Variants in DCLK2 observed in about 807,000 individuals in gnomAD.
DCLK2 encodes doublecortin like kinase 2.
In DCLK2, 31 loss-of-function variants were observed where a neutral mutation model predicts 78.4. The observed-to-expected ratio is 0.40, with a 90% CI of 0.30 to 0.53. The LOEUF is 0.53. DCLK2 is among the 20% of genes least tolerant of loss of function. The probability of loss-of-function intolerance (pLI) is 0.61; values close to 1 mark genes in which losing one functional copy is unlikely to be tolerated. For synonymous variants in DCLK2, 407 were observed against 374.9 expected (o/e 1.09, Z -0.99); for missense variants, 872 against 973.7 (o/e 0.90, Z 1.39).
chr4:150,177,143 T>C (rs1300083863), intron 2 of DCLK2, among the ~76,000 whole-genome samples: 4 of 152,202 alleles, frequency 2.6e-5, no homozygotes, highest in Middle Eastern at 3.2e-3. Flanking sequence ...ATAAATCTCA[T>C]ATGATTTTGT....
At chr4:150,112,864 G>A (rs951419955) in intron 2 of DCLK2, among the ~76,000 whole-genome samples, 9 of 130,552 alleles carry the variant, frequency 6.9e-5, no homozygotes, top group Admixed American at 1.9e-4. Flanking sequence ...AGGCTGGAGT[G>A]CAGTGGTGTG....
intron 2 of DCLK2, among the ~76,000 whole-genome samples, chr4:150,147,363 C>A (rs1331402471): frequency 6.6e-6 from 1 of 152,128 alleles, no homozygotes; most frequent in Non-Finnish European, 1.5e-5. Context: ...CAAGTGGGAA[C>A]TGATATTTTC....
intron 2 of DCLK2, among the ~76,000 whole-genome samples, chr4:150,112,519 T>G (rs1731762630): frequency 6.6e-6 from 1 of 152,198 alleles, no homozygotes; most frequent in Non-Finnish European, 1.5e-5. Flanking sequence ...GGAGGAATCC[T>G]TTCAAGTTTT....
chr4:150,235,143 T>A (rs1470762853), intron 10 of DCLK2, among the ~76,000 whole-genome samples: 1 of 152,164 alleles, frequency 6.6e-6, no homozygotes, highest in African/African-American at 2.4e-5. Context: ...CAGCCCTGAT[T>A]TAAGGCCCAG....
chr4:150,194,971 A>G (rs1220847929), intron 3 of DCLK2, among the ~76,000 whole-genome samples: 1 of 148,586 alleles, frequency 6.7e-6, no homozygotes, highest in Non-Finnish European at 1.5e-5. Context: ...TTTGTTTTTC[A>G]TCTCTGCCAA....
At chr4:150,220,209 G>C (rs1046907231) in intron 5 of DCLK2, among the ~76,000 whole-genome samples, 3 of 152,082 alleles carry the variant, frequency 2.0e-5, no homozygotes, top group Non-Finnish European at 4.4e-5. Context: ...CTGTCGATTT[G>C]GAGTTGCCTT....
At chr4:150,204,550 GA>G (rs1414131225) in intron 5 of DCLK2, among the ~76,000 whole-genome samples, 3 of 152,114 alleles carry the variant, frequency 2.0e-5, no homozygotes, top group African/African-American at 7.2e-5. Context: ...TTTAAATTTA[GA>G]AGAGAAAATT....
At chr4:150,143,651 G>T (rs1734257592) in intron 2 of DCLK2, among the ~76,000 whole-genome samples, 1 of 152,128 alleles carries the variant, frequency 6.6e-6, no homozygotes. Context: ...CATACAGGTT[G>T]AACTAATTTA....
intron 2 of DCLK2, among the ~76,000 whole-genome samples, chr4:150,153,677 A>G (rs1032206988): frequency 1.1e-4 from 17 of 151,964 alleles, no homozygotes; most frequent in Non-Finnish European, 4.4e-5. Flanking sequence ...CAGCCTCCCA[A>G]AGTCCAGGAT....
At chr4:150,217,395 A>G (rs1740800793) in intron 5 of DCLK2, among the ~76,000 whole-genome samples, 1 of 152,230 alleles carries the variant, frequency 6.6e-6, no homozygotes, top group African/African-American at 2.4e-5. Context: ...TGGAAAGCCA[A>G]GCTTCATTAG....
At chr4:150,119,116 GCATGGTTTTTC>G (rs2150179421) in intron 2 of DCLK2, among the ~76,000 whole-genome samples, 1 of 152,016 alleles carries the variant, frequency 6.6e-6, no homozygotes, top group East Asian at 1.9e-4. Flanking sequence ...TTTTTAAATA[GCATGGTTTTTC>G]CATGTAATCA....
intron 5 of DCLK2, among the ~76,000 whole-genome samples, chr4:150,206,234 A>G (rs1415297706): frequency 6.6e-6 from 1 of 152,156 alleles, no homozygotes; most frequent in Non-Finnish European, 1.5e-5. Context: ...AGATTAATGG[A>G]ATTTTTAAAA....
chr4:150,087,295 C>T (rs1428938846), intron 1 of DCLK2, among the ~76,000 whole-genome samples: 1 of 152,218 alleles, frequency 6.6e-6, no homozygotes, highest in Non-Finnish European at 1.5e-5. Flanking sequence ...TTTTGACCTA[C>T]TCTGTTACCT....
chr4:150,240,708 C>G (rs1042930958), intron 12 of DCLK2, among the ~76,000 whole-genome samples: 1 of 145,986 alleles, frequency 6.8e-6, no homozygotes, highest in Admixed American at 7.0e-5. Flanking sequence ...ATGTAACTAA[C>G]CTGCACAATG....
intron 5 of DCLK2, among the ~76,000 whole-genome samples, chr4:150,212,144 A>G (rs1420184012): frequency 6.6e-6 from 1 of 152,212 alleles, no homozygotes; most frequent in African/African-American, 2.4e-5. Flanking sequence ...TGCTGTGAGC[A>G]TTCTTGCCGG....
chr4:150,244,370 G>A (rs1743148015), intron 12 of DCLK2, among the ~76,000 whole-genome samples: 1 of 152,172 alleles, frequency 6.6e-6, no homozygotes, highest in African/African-American at 2.4e-5. Flanking sequence ...TATTATTTGT[G>A]TGACTATACT....
chr4:150,141,359 C>A (rs778800631), intron 2 of DCLK2, among the ~76,000 whole-genome samples: 1 of 152,046 alleles, frequency 6.6e-6, no homozygotes, highest in African/African-American at 2.4e-5. Flanking sequence ...GCAGTGATTG[C>A]GATGACAGGG....
At chr4:150,106,282 C>A (rs13123197) in intron 2 of DCLK2, among the ~76,000 whole-genome samples, 1 of 151,658 alleles carries the variant, frequency 6.6e-6, no homozygotes, top group African/African-American at 2.4e-5. Context: ...TATAAAGATA[C>A]TATGACATCT....
chr4:150,120,404 A>G (rs1335491821), intron 2 of DCLK2, among the ~76,000 whole-genome samples: 2 of 152,164 alleles, frequency 1.3e-5, no homozygotes, highest in Non-Finnish European at 2.9e-5. Context: ...GGAAGTGCTT[A>G]CTTTCAACCT....
Sources: allele counts gnomAD v4.1 joint callset (sites outside exome capture counted in the v4.1 genomes callset), GRCh38; gene constraint gnomAD v4.1.1; transcripts MANE v1.5; gene names NCBI Gene and HGNC (gene_info 2026-07-23, HGNC 2026-07-21).